GMDS: variants seen among roughly 807,000 people sequenced by gnomAD.
GMDS encodes GDP-mannose 4,6 dehydratase.
In GMDS, 20 loss-of-function variants were observed where a neutral mutation model predicts 49.9. The ratio of observed to expected loss-of-function variants is 0.40; its 90% CI spans 0.28 to 0.58. The LOEUF (loss-of-function observed/expected upper bound fraction) is 0.58. GMDS is among the 20% of genes least tolerant of loss of function. The probability of loss-of-function intolerance (pLI) is 0.42; values close to 1 mark genes in which losing one functional copy is unlikely to be tolerated. For missense variants in GMDS, 362 were observed against 481.4 expected (o/e 0.75, Z 2.32); for synonymous variants, 177 against 178.6 (o/e 0.99, Z 0.07).
intron 7 of GMDS, among the ~76,000 whole-genome samples, chr6:1,749,125 G>T (rs949024546): frequency 2.6e-5 from 4 of 152,156 alleles, no homozygotes; most frequent in Non-Finnish European, 1.5e-5. Context: ...CCCAGGACGT[G>T]GCTGCCACAA....
intron 1 of GMDS, among the ~76,000 whole-genome samples, chr6:2,212,035 T>C (rs904918233): frequency 6.6e-6 from 1 of 152,230 alleles, no homozygotes; most frequent in South Asian, 2.1e-4. Flanking sequence ...AAATATAGTA[T>C]AACTGTGCAG....
At chr6:2,063,604 T>A (rs772960228) in intron 4 of GMDS, among the ~76,000 whole-genome samples, 1 of 152,242 alleles carries the variant, frequency 6.6e-6, no homozygotes, top group Non-Finnish European at 1.5e-5. Flanking sequence ...ACACTACAGT[T>A]AAAACCTTTA....
chr6:2,195,132 T>G (rs1393192783), intron 1 of GMDS, among the ~76,000 whole-genome samples: 1 of 152,218 alleles, frequency 6.6e-6, no homozygotes, highest in East Asian at 1.9e-4. Context: ...AGCTTGCATC[T>G]TTTCTCCAGT....
At chr6:1,898,830 C>A (rs1380721612) in intron 7 of GMDS, among the ~76,000 whole-genome samples, 1 of 152,174 alleles carries the variant, frequency 6.6e-6, no homozygotes, top group East Asian at 1.9e-4. Flanking sequence ...CTATGCTGGG[C>A]CAGAAAGTGT....
At chr6:2,000,264 T>C (rs1766713844) in intron 4 of GMDS, among the ~76,000 whole-genome samples, 1 of 150,562 alleles carries the variant, frequency 6.6e-6, no homozygotes, top group Admixed American at 6.7e-5. Flanking sequence ...CTCCATCTCC[T>C]GACCTTGTGA....
At chr6:2,063,027 A>ACAGG (rs1771284724) in intron 4 of GMDS, among the ~76,000 whole-genome samples, 1 of 152,226 alleles carries the variant, frequency 6.6e-6, no homozygotes, top group African/African-American at 2.4e-5. Context: ...GATCCTATAG[A>ACAGG]CAGGGCATTT....
At chr6:1,756,684 T>C (rs9392336) in intron 7 of GMDS, among the ~76,000 whole-genome samples, 85,397 of 152,164 alleles carry the variant, frequency 0.56, 24,547 homozygotes, top group African/African-American at 0.68. Flanking sequence ...ACTGGGGCAG[T>C]GGGGCCAAGA....
intron 9 of GMDS, among the ~76,000 whole-genome samples, chr6:1,636,796 C>A (rs908787893): frequency 1.3e-5 from 2 of 152,238 alleles, no homozygotes; most frequent in African/African-American, 2.4e-5. Context: ...CTGCCCATGC[C>A]TCACCTGCCC....
chr6:2,067,513 G>A (rs866331918), intron 4 of GMDS, among the ~76,000 whole-genome samples: 8 of 152,048 alleles, frequency 5.3e-5, no homozygotes, highest in Middle Eastern at 3.4e-3. Context: ...TTGATAAACC[G>A]CTAGCAAGAC....
intron 1 of GMDS, among the ~76,000 whole-genome samples, chr6:2,165,667 T>A (rs940047571): frequency 3.3e-5 from 5 of 152,218 alleles, no homozygotes; most frequent in African/African-American, 1.2e-4. Flanking sequence ...ATAATCTGCA[T>A]CCTGTGGAAG....
chr6:2,021,967 C>T (rs758039440), intron 4 of GMDS, among the ~76,000 whole-genome samples: 2 of 152,202 alleles, frequency 1.3e-5, no homozygotes, highest in African/African-American at 2.4e-5. Context: ...GCAGGCCCAA[C>T]ATCAAATGGC....
intron 3 of GMDS, among the ~76,000 whole-genome samples, chr6:2,116,263 T>A (rs778461913): frequency 3.8e-4 from 58 of 151,864 alleles, no homozygotes; most frequent in Non-Finnish European, 7.2e-4. Flanking sequence ...TCCATAACAC[T>A]GATGATGATG....
At chr6:1,884,622 C>A (rs1318566332) in intron 7 of GMDS, among the ~76,000 whole-genome samples, 1 of 152,224 alleles carries the variant, frequency 6.6e-6, no homozygotes, top group African/African-American at 2.4e-5. Flanking sequence ...CAGTGGAATG[C>A]AAATAATCCA....
chr6:2,036,973 T>C (rs1028980893), intron 4 of GMDS, among the ~76,000 whole-genome samples: 2 of 152,236 alleles, frequency 1.3e-5, no homozygotes, highest in Admixed American at 6.5e-5. Context: ...CCTGGAGTTA[T>C]CTTTTGGAGG....
chr6:1,804,222 A>G (rs1247164475), intron 7 of GMDS, among the ~76,000 whole-genome samples: 1 of 152,266 alleles, frequency 6.6e-6, no homozygotes. Flanking sequence ...TTTGCTCTAA[A>G]GAAGCAAGAA....
chr6:1,711,297 G>A (rs896796353), intron 9 of GMDS, among the ~76,000 whole-genome samples: 42 of 152,282 alleles, frequency 2.8e-4, no homozygotes, highest in East Asian at 9.7e-4. Context: ...ACGTTTCCAG[G>A]GTCCACCGCT....
chr6:2,193,034 T>A (rs927728146), intron 1 of GMDS, among the ~76,000 whole-genome samples: 1 of 152,188 alleles, frequency 6.6e-6, no homozygotes, highest in Non-Finnish European at 1.5e-5. Context: ...CCAGGATCCC[T>A]AAGGAGGGTT....
At chr6:1,776,641 T>C (rs1278491710) in intron 7 of GMDS, among the ~76,000 whole-genome samples, 1 of 152,080 alleles carries the variant, frequency 6.6e-6, no homozygotes, top group Non-Finnish European at 1.5e-5. Context: ...GATTGCACTA[T>C]TGCACTCCAG....
chr6:1,655,011 A>G (rs945964801), intron 9 of GMDS, among the ~76,000 whole-genome samples: 2 of 151,054 alleles, frequency 1.3e-5, no homozygotes, highest in African/African-American at 4.9e-5. Context: ...CAGTGAGCCA[A>G]GATCACACCA....
Sources: gnomAD v4.1 joint callset for allele counts (sites outside exome capture counted in the v4.1 genomes callset) on GRCh38, gnomAD v4.1.1 for gene constraint, MANE v1.5 for transcripts, NCBI Gene and HGNC (gene_info 2026-07-23, HGNC 2026-07-21) for gene names.